Variants in CADM3 observed in about 807,000 individuals in gnomAD.
CADM3 encodes the protein TSLC1-like 1.
In CADM3, 11 loss-of-function variants were observed where a neutral mutation model predicts 44.9. That is an observed-to-expected ratio of 0.25 (90% CI 0.15 to 0.41). The LOEUF is 0.41. Among genes scored for constraint, CADM3 ranks in the 10% least tolerant of loss-of-function variants. The probability of loss-of-function intolerance (pLI) is 1.00; values close to 1 mark genes in which losing one functional copy is unlikely to be tolerated. For missense variants in CADM3, 426 were observed against 512.0 expected, an observed-to-expected ratio of 0.83 and a Z score of 1.62; for synonymous variants, 207 against 205.2, an observed-to-expected ratio of 1.01 and a Z score of -0.08.
At position 159,179,800 on chromosome 1, in the gene CADM3, C is replaced by T. The variant is rs3026973; in HGVS notation, c.88+7947C>T. Among the ~76,000 whole-genome samples the T allele has an allele frequency of 6.3e-3, 959 of 152,208 alleles. 38 individuals are homozygous for T. The East Asian group carries it at 0.1, about 16-fold the overall frequency. On this transcript the variant is annotated intron_variant, in intron 1 of 8. Coordinates refer to ENST00000368125, the MANE Select transcript of CADM3 (RefSeq NM_001127173.3). ...TGAGAAGCCAGTTTTACCATCTGCT[C>T]CTAATCATTTTTTTTTTGCCCAGCA...
chr1:159,187,593 G>C (rs551829210), intron 1 of CADM3, among the ~76,000 whole-genome samples: 1 of 152,326 alleles, frequency 6.6e-6, no homozygotes, highest in East Asian at 1.9e-4. Flanking sequence ...TATGGTATGA[G>C]ACGGCTATTT....
At chr1:159,188,690 C>T (rs34554866) in intron 1 of CADM3, among the ~76,000 whole-genome samples, 15 of 152,256 alleles carry the variant, frequency 9.9e-5, no homozygotes, top group African/African-American at 3.1e-4. Flanking sequence ...TTCGCAAGGC[C>T]GGTTTCTTTG....
At chr1:159,184,637 C>T (rs1649350133) in intron 1 of CADM3, among the ~76,000 whole-genome samples, 1 of 152,160 alleles carries the variant, frequency 6.6e-6, no homozygotes, top group African/African-American at 2.4e-5. Flanking sequence ...TATAGGTCCC[C>T]AAAACAGACA....
At chr1:159,187,835 C>T (rs35662490) in intron 1 of CADM3, among the ~76,000 whole-genome samples, 6 of 152,078 alleles carry the variant, frequency 3.9e-5, no homozygotes, top group African/African-American at 1.4e-4. Context: ...CTCCATCCTC[C>T]ATGTGCACAG....
At chr1:159,184,320 T>C (rs747669398) in intron 1 of CADM3, among the ~76,000 whole-genome samples, 19 of 152,190 alleles carry the variant, frequency 1.2e-4, no homozygotes, top group Non-Finnish European at 2.1e-4. Context: ...GCCCCCAATA[T>C]GTTTTTCCCT....
At chr1:159,188,055 G>C (rs1241099790) in intron 1 of CADM3, among the ~76,000 whole-genome samples, 2 of 151,844 alleles carry the variant, frequency 1.3e-5, no homozygotes, top group Non-Finnish European at 2.9e-5. Flanking sequence ...CTCAGCATTT[G>C]GGCATTAGCG....
chr1:159,183,237 C>A (rs549378368), intron 1 of CADM3, among the ~76,000 whole-genome samples: 1 of 152,150 alleles, frequency 6.6e-6, no homozygotes, highest in African/African-American at 2.4e-5. Flanking sequence ...CCAGGCTTTA[C>A]CAAGCTAAGC....
In CADM3 at chr1:159,199,836, C is replaced by G. The variant is rs1452353322; in HGVS notation, c.1038C>G (p.Ile346Met). The G allele has an allele frequency of 3.1e-6, 5 of 1,614,110 alleles. No individual in the cohort carries two copies. The highest frequency in any genetic ancestry group is 4.2e-6 in the Non-Finnish European group (5 of 1,180,038). ...IVAFIVFLLL[I>M]MLIFLGHYLI... ...CTTTCATTGTCTTCCTGCTGCTCAT[C>G]ATGCTCATCTTCCTTGGCCACTACT... The change falls in exon 8 of 9, where the codon ATC (isoleucine) becomes ATG (methionine). Residue 346 changes from isoleucine to methionine, a missense_variant. This residue lies in a region of CADM3 where 362 missense variants were observed against 474.6 expected (regional missense o/e 0.76). Transcript: ENST00000368125.
intron 1 of CADM3, among the ~76,000 whole-genome samples, chr1:159,176,596 T>C (rs1290829496): frequency 6.6e-6 from 1 of 152,210 alleles, no homozygotes; most frequent in Admixed American, 6.5e-5. Flanking sequence ...GTAGTGATGA[T>C]TTTTTACAAG....
intron 1 of CADM3, among the ~76,000 whole-genome samples, chr1:159,185,951 G>A (rs952540137): frequency 6.6e-6 from 1 of 152,168 alleles, no homozygotes; most frequent in Non-Finnish European, 1.5e-5. Flanking sequence ...AGAAAGAAAT[G>A]CATAATTTAA....
rs1464984171 is a variant in CADM3, at chr1:159,196,326, TGGGGA to T, written c.692-35_692-31del. 3 of 1,515,270 alleles carry T rather than the reference TGGGGA, an allele frequency of 2.0e-6. No individual in the cohort carries two copies. The East Asian group carries it at 6.8e-5, about 34-fold the overall frequency. The allele number at this position is 1,515,270 out of a possible 1,614,324, so 93.9% of individuals were successfully genotyped here. A position where few individuals can be genotyped will look rare whatever the true frequency, so the allele number is the denominator to read the frequency against. ...AAGTGAGGGAATCTCCTAAGCCGTG[TGGGGA>T]GGTATTCATTGATACCATTTCCTTC... On this transcript the variant is annotated intron_variant, in intron 5 of 8. Coordinates refer to ENST00000368125, the MANE Select transcript of CADM3 (RefSeq NM_001127173.3).
rs1381849012 is a variant in CADM3, at chr1:159,202,482, C to T, written c.*1560C>T. ...TGGCGTTGACCCTGGAAAGACCTAC[C>T]ACCACCTATTTTTTCCCATAGTCTG... On this transcript the variant is annotated 3_prime_UTR_variant, in exon 9 of 9. Coordinates refer to ENST00000368125, the MANE Select transcript of CADM3 (RefSeq NM_001127173.3). 6.6e-6 allele frequency: 1 copy of T among 152,498 alleles called. No individual in the cohort carries two copies. The highest frequency in any genetic ancestry group is 2.4e-5 in the African/African-American group (1 of 41,450). 9.4% of individuals were successfully genotyped at this position (152,498 alleles called of 1,614,324 possible).
intron 8 of CADM3, among the ~76,000 whole-genome samples, chr1:159,200,517 A>AGCGC (rs954094414): frequency 2.0e-5 from 1 of 51,042 alleles, no homozygotes; most frequent in African/African-American, 1.2e-4. Flanking sequence ...CATGCGTGCA[A>AGCGC]GCACACACAC....
At position 159,171,736 on chromosome 1, in the gene CADM3, G is replaced by A. The variant is rs1648805345; in HGVS notation, c.-30G>A. The A allele has an allele frequency of 5.7e-6, 7 of 1,227,046 alleles. No individual in the cohort carries two copies. The highest frequency in any genetic ancestry group is 7.1e-6 in the Non-Finnish European group (7 of 983,252). 76.0% of individuals were successfully genotyped at this position (1,227,046 alleles called of 1,614,324 possible). A position where few individuals can be genotyped will look rare whatever the true frequency, so the allele number is the denominator to read the frequency against. The stretch of plus-strand genomic sequence containing the variant: ...CCCCCGGGGATTCAGGCTCGCCAGC[G>A]CCCAGCCAGGGAGCCGGCCGGGAAG... On this transcript the variant is annotated 5_prime_UTR_variant, in exon 1 of 9. Coordinates refer to ENST00000368125, the MANE Select transcript of CADM3 (RefSeq NM_001127173.3).
intron 1 of CADM3, among the ~76,000 whole-genome samples, chr1:159,178,142 CAG>C (rs1418058897): frequency 1.3e-5 from 2 of 152,132 alleles, no homozygotes; most frequent in African/African-American, 4.8e-5. Context: ...GCAATAACGA[CAG>C]GGGAAAATGT....
intron 1 of CADM3, among the ~76,000 whole-genome samples, chr1:159,172,826 C>T (rs531236554): frequency 6.6e-6 from 1 of 152,090 alleles, no homozygotes; most frequent in Admixed American, 6.5e-5. Context: ...CGCCCTGGGC[C>T]GGGCTATGTA....
intron 1 of CADM3, among the ~76,000 whole-genome samples, chr1:159,174,032 T>G (rs1648925116): frequency 1.3e-5 from 2 of 152,182 alleles, no homozygotes; most frequent in African/African-American, 4.8e-5. Context: ...TGGAAAGCAG[T>G]AACTTCTGAA....
Position 159,193,413 on chromosome 1 carries a change from T to C in CADM3, c.383-10T>C. On this transcript the variant is annotated splice_polypyrimidine_tract_variant and intron_variant, in intron 3 of 8. Transcript: ENST00000368125. Reference sequence around the variant, plus strand: ...TCCTTCCTATCCTGGCCATCCCCTATCCATGGCAGGAATTCCACAGAAGCC... The same window carrying C: ...TCCTTCCTATCCTGGCCATCCCCTACCCATGGCAGGAATTCCACAGAAGCC... 6.3e-7 allele frequency: 1 copy of C among 1,584,884 alleles called. No individual in the cohort carries two copies. The highest frequency in any genetic ancestry group is 8.6e-7 in the Non-Finnish European group (1 of 1,163,190).
Position 159,200,886 on chromosome 1 carries a change from G to C in CADM3, c.1161G>C (p.Gln387His), listed in dbSNP as rs1650160458. 1 of 1,609,306 alleles carries C rather than the reference G, an allele frequency of 6.2e-7. No individual in the cohort carries two copies. The highest frequency in any genetic ancestry group is 8.5e-7 in the Non-Finnish European group (1 of 1,177,804). ...DTAIINAEGG[Q>H]SGGDDKKEYF... is the part of the protein sequence containing the mutation. ...CCATCATCAATGCAGAAGGCGGGCAGTCAGGAGGGGACGACAAGAAGGAAT... is the reference window on the plus strand; with the variant it reads ...CCATCATCAATGCAGAAGGCGGGCACTCAGGAGGGGACGACAAGAAGGAAT... The change falls in exon 9 of 9, where the codon CAG becomes CAC. Residue 387 changes from glutamine (Q) to histidine (H), a missense_variant. Gln to His is a conservative substitution (Grantham distance 24). Transcript: ENST00000368125.
Sources: allele counts gnomAD v4.1 joint callset (sites outside exome capture counted in the v4.1 genomes callset), GRCh38; gene constraint gnomAD v4.1.1; regional missense constraint gnomAD v4.1.1; transcripts MANE v1.5; gene names NCBI Gene and HGNC (gene_info 2026-07-23, HGNC 2026-07-21).